RALGAPA2: variants seen among roughly 807,000 people sequenced by gnomAD.
The protein encoded by RALGAPA2 is ral GTPase-activating protein subunit alpha-2.
A neutral mutation model predicts 230.4 loss-of-function variants in RALGAPA2; 139 were observed. That is an observed-to-expected ratio of 0.60 (90% confidence interval 0.53 to 0.69). The LOEUF is 0.69. Ranked by LOEUF, RALGAPA2 falls within the 30% of genes least tolerant of loss-of-function variation. The pLI, the probability that RALGAPA2 is intolerant of heterozygous loss-of-function variation, is 0.00. For synonymous variants in RALGAPA2, 847 were observed against 837.8 expected (o/e 1.01, Z -0.19); for missense variants, 2,163 against 2,276.0 (o/e 0.95, Z 1.01).
rs145616494 is a variant in RALGAPA2, at chr20:20,477,130, G to A, written c.5368-4174C>T. ...CTGGCAACATCCTCTATTTTGATCT[G>A]GGGTGGTATTACACAAGTGTGTTCA... On this transcript the variant is annotated intron_variant, in intron 36 of 39. Coordinates refer to ENST00000202677, the MANE Select transcript of RALGAPA2 (RefSeq NM_020343.4). 3.3e-4 allele frequency among the ~76,000 whole-genome samples: 50 copies of A among 152,268 alleles called. No individual in the cohort carries two copies. The East Asian group carries it at 8.7e-3, about 26-fold the overall frequency.
At position 20,676,216 on chromosome 20, in the gene RALGAPA2, A is replaced by G. The variant is rs1278237234; in HGVS notation, c.270+20T>C. 7 of 1,473,236 alleles carry G rather than the reference A, an allele frequency of 4.8e-6. No individual in the cohort carries two copies. The highest frequency in any genetic ancestry group is 5.6e-6 in the Non-Finnish European group (6 of 1,072,426). The allele number at this position is 1,473,236 out of a possible 1,614,324, so 91.3% of individuals were successfully genotyped here. Reference sequence around the variant, plus strand: ...TTCCAACAAGAATTATAAAAGCTAAATAAACTCATCAAAACTTACTTCAAA... The same window carrying G: ...TTCCAACAAGAATTATAAAAGCTAAGTAAACTCATCAAAACTTACTTCAAA... On this transcript the variant is annotated intron_variant, in intron 3 of 39. Transcript: ENST00000202677.
chr20:20,699,383 A>G (rs1174265597), intron 1 of RALGAPA2, among the ~76,000 whole-genome samples: 2 of 152,224 alleles, frequency 1.3e-5, no homozygotes, highest in Admixed American at 1.3e-4. Context: ...GGAGTTCAGC[A>G]TAAGCTATAC....
intron 38 of RALGAPA2, among the ~76,000 whole-genome samples, chr20:20,400,334 C>T (rs1806026558): frequency 6.6e-6 from 1 of 152,178 alleles, no homozygotes; most frequent in African/African-American, 2.4e-5. Flanking sequence ...TCTTGCCCAT[C>T]ACCCTTGGTT....
chr20:20,523,618 C>T lies in RALGAPA2; in HGVS notation c.3900+788G>A, dbSNP rs376305889. On this transcript the variant is annotated intron_variant, in intron 30 of 39. Transcript: ENST00000202677. ...GTCCCTAGCATAAAGAAAAGATAAA[C>T]ATTTAAGACAGACAACCCAATTACC... is the stretch of plus-strand genomic sequence containing the variant. Among the ~76,000 whole-genome samples, 134 of 152,198 alleles carry T rather than the reference C, an allele frequency of 8.8e-4. 1 individual carries two copies. The South Asian group carries it at 0.016, about 19-fold the overall frequency.
chr20:20,409,162 G>A (rs2060009685), intron 38 of RALGAPA2, among the ~76,000 whole-genome samples: 1 of 152,204 alleles, frequency 6.6e-6, no homozygotes, highest in Non-Finnish European at 1.5e-5. Flanking sequence ...GATGGGGAGA[G>A]TCAGAAGCAG....
At chr20:20,429,391 C>T (rs377685920) in intron 37 of RALGAPA2, among the ~76,000 whole-genome samples, 4 of 152,290 alleles carry the variant, frequency 2.6e-5, no homozygotes, top group African/African-American at 9.6e-5. Context: ...ATTCTTCTTT[C>T]TCCCCCCAGA....
At chr20:20,608,620 T>C (rs577736810) in intron 14 of RALGAPA2, among the ~76,000 whole-genome samples, 2 of 152,262 alleles carry the variant, frequency 1.3e-5, no homozygotes, top group South Asian at 2.1e-4. Context: ...CTAGCCATTT[T>C]AGACAGTCCA....
chr20:20,635,214 G>A, intron 9 of RALGAPA2: 2 of 591,492 alleles, frequency 3.4e-6, no homozygotes, highest in Non-Finnish European at 5.9e-6. Flanking sequence ...CATCATGGCA[G>A]TCCCAACAAT....
intron 38 of RALGAPA2, among the ~76,000 whole-genome samples, chr20:20,403,487 G>T (rs185582715): frequency 6.6e-6 from 1 of 152,296 alleles, no homozygotes; most frequent in East Asian, 1.9e-4. Context: ...AGAAAGAGCA[G>T]AGTCAGCCTA....
chr20:20,705,183 A>C (rs1304488383), intron 1 of RALGAPA2, among the ~76,000 whole-genome samples: 1 of 152,204 alleles, frequency 6.6e-6, no homozygotes, highest in Non-Finnish European at 1.5e-5. Flanking sequence ...GCACTCACAC[A>C]GTCTTTAAAA....
chr20:20,499,820 G>A (rs1313100092), intron 35 of RALGAPA2, among the ~76,000 whole-genome samples: 1 of 152,174 alleles, frequency 6.6e-6, no homozygotes, highest in East Asian at 1.9e-4. Flanking sequence ...CTTGAGTTCT[G>A]ATGTTTCACA....
At chr20:20,469,843 T>G (rs1303506866) in intron 37 of RALGAPA2, among the ~76,000 whole-genome samples, 1 of 152,146 alleles carries the variant, frequency 6.6e-6, no homozygotes, top group African/African-American at 2.4e-5. Flanking sequence ...AATAGGCTCT[T>G]TGATTGCCCA....
chr20:20,511,640 G>A (rs1313468914), intron 32 of RALGAPA2, among the ~76,000 whole-genome samples: 1 of 152,056 alleles, frequency 6.6e-6, no homozygotes, highest in Non-Finnish European at 1.5e-5. Flanking sequence ...CCCTACCTCT[G>A]TTCTTAAAAA....
chr20:20,524,789 TA>T (rs749796778), intron 29 of RALGAPA2, 40 bp downstream of exon 29: 40 of 1,475,522 alleles, frequency 2.7e-5, no homozygotes, highest in Non-Finnish European at 3.6e-5. Context: ...TACATTAAAA[TA>T]AAAAAACTAT....
chr20:20,429,227 G>A (rs114252172), intron 37 of RALGAPA2, among the ~76,000 whole-genome samples: 3 of 152,278 alleles, frequency 2.0e-5, no homozygotes, highest in South Asian at 2.1e-4. Flanking sequence ...AACCCAGGGC[G>A]ATCTGTTACA....
chr20:20,517,869 A>G (rs2062920031), intron 31 of RALGAPA2, among the ~76,000 whole-genome samples: 1 of 152,160 alleles, frequency 6.6e-6, no homozygotes, highest in Non-Finnish European at 1.5e-5. Context: ...TTGAAGAAAC[A>G]GTCTACACAA....
At chr20:20,405,872 G>A (rs996374689) in intron 38 of RALGAPA2, among the ~76,000 whole-genome samples, 2 of 152,144 alleles carry the variant, frequency 1.3e-5, no homozygotes, top group Non-Finnish European at 2.9e-5. Flanking sequence ...CACATCTGTG[G>A]TCTAGAGACA....
intron 38 of RALGAPA2, among the ~76,000 whole-genome samples, chr20:20,406,669 T>C (rs2059953724): frequency 6.6e-6 from 1 of 152,204 alleles, no homozygotes; most frequent in African/African-American, 2.4e-5. Flanking sequence ...CCTAGTACTT[T>C]GGGAGGCTGA....
At chr20:20,396,921 G>A (rs543878198) in intron 38 of RALGAPA2, among the ~76,000 whole-genome samples, 187 bp from the exon 39 acceptor site, 5 of 152,252 alleles carry the variant, frequency 3.3e-5, no homozygotes, top group Admixed American at 6.5e-5. Context: ...AATACAAGCC[G>A]ATGTCGTGTT....
Sources: gnomAD v4.1 joint callset for allele counts (sites outside exome capture counted in the v4.1 genomes callset) on GRCh38, gnomAD v4.1.1 for gene constraint, MANE v1.5 for transcripts, NCBI Gene and HGNC (gene_info 2026-07-23, HGNC 2026-07-21) for gene names.